CHRM3: variants seen among roughly 807,000 people sequenced by gnomAD.
CHRM3 encodes the protein muscarinic acetylcholine receptor M3.
A neutral mutation model predicts 41.8 loss-of-function variants in CHRM3; 11 were observed. The ratio of observed to expected loss-of-function variants is 0.26; its 90% CI spans 0.17 to 0.44. The LOEUF is 0.44. Among genes scored for constraint, CHRM3 ranks in the 20% least tolerant of loss-of-function variants. The probability of loss-of-function intolerance (pLI) is 1.00; values close to 1 mark genes in which losing one functional copy is unlikely to be tolerated. For missense variants in CHRM3, 571 were observed against 745.4 expected (o/e 0.77, Z 2.72); for synonymous variants, 297 against 301.4 (o/e 0.99, Z 0.15).
chr1:239,717,460 C>T (rs1459342082), intron 5 of CHRM3, among the ~76,000 whole-genome samples: 1 of 116,146 alleles, frequency 8.6e-6, no homozygotes, highest in Non-Finnish European at 2.0e-5. Context: ...CAAGGAAAGA[C>T]ACACACGCAC....
intron 1 of CHRM3, among the ~76,000 whole-genome samples, chr1:239,488,084 G>C (rs1395877717): frequency 6.6e-6 from 1 of 152,046 alleles, no homozygotes; most frequent in South Asian, 2.1e-4. Flanking sequence ...GTATACTAAG[G>C]GTGTTGGTAA....
chr1:239,700,471 G>A (rs925090470), intron 5 of CHRM3, among the ~76,000 whole-genome samples: 1 of 152,096 alleles, frequency 6.6e-6, no homozygotes, highest in East Asian at 1.9e-4. Context: ...ATTAATGCTG[G>A]TACTGCCCTC....
chr1:239,505,259 G>GGATGATGATGAT (rs3028735), intron 2 of CHRM3, among the ~76,000 whole-genome samples: 4 of 144,784 alleles, frequency 2.8e-5, no homozygotes, highest in African/African-American at 2.6e-5. Flanking sequence ...CTGTTTCCTG[G>GGATGATGATGAT]GATGATGATG....
Position 239,594,893 on chromosome 1 carries a change from C to T in CHRM3, c.-312-37331C>T, listed in dbSNP as rs184608632. On this transcript the variant is annotated intron_variant, in intron 3 of 6. Coordinates refer to ENST00000676153, the MANE Select transcript of CHRM3 (RefSeq NM_001375978.1). ...TCACCTGAGGTCAGGAGTTTGAGAC[C>T]AGCCTGACCAACATGGAGAAACCTC... Among the ~76,000 whole-genome samples, 404 of 152,202 alleles carry T rather than the reference C, an allele frequency of 2.7e-3. 2 individuals are homozygous for T. The highest frequency in any genetic ancestry group is 8.7e-3 in the African/African-American group (362 of 41,542).
chr1:239,464,433 G>A lies in CHRM3; in HGVS notation c.-520-28276G>A, dbSNP rs568828265. On this transcript the variant is annotated intron_variant, in intron 1 of 6. Transcript: ENST00000676153. ...CCTCCTATGGTGAACCTTACTTCCCGCGACTGGGAATTCGTTCTAGCCTCC... is the reference window on the plus strand; with the variant it reads ...CCTCCTATGGTGAACCTTACTTCCCACGACTGGGAATTCGTTCTAGCCTCC... Among the ~76,000 whole-genome samples, 14 of 152,020 alleles carry A rather than the reference G, an allele frequency of 9.2e-5. No homozygotes were observed. The East Asian group carries it at 9.7e-4, about 10-fold the overall frequency.
chr1:239,566,831 T>G (rs72756761), intron 3 of CHRM3, among the ~76,000 whole-genome samples: 4,971 of 152,270 alleles, frequency 0.033, 102 homozygotes, highest in Middle Eastern at 0.058. Flanking sequence ...ACAAATACAA[T>G]TCCTTTCACT....
At chr1:239,731,004 G>A (rs2148419802) in intron 5 of CHRM3, among the ~76,000 whole-genome samples, 1 of 152,004 alleles carries the variant, frequency 6.6e-6, no homozygotes, top group Non-Finnish European at 1.5e-5. Flanking sequence ...GAATGCAAAG[G>A]ATGAAGGAGA....
At chr1:239,715,217 A>AGTTG in intron 5 of CHRM3, among the ~76,000 whole-genome samples, 1 of 118,960 alleles carries the variant, frequency 8.4e-6, no homozygotes, top group East Asian at 2.5e-4. Flanking sequence ...GGCATATTTA[A>AGTTG]ATTGGTTAAG....
intron 1 of CHRM3, among the ~76,000 whole-genome samples, chr1:239,489,404 C>G (rs539068750): frequency 6.7e-6 from 1 of 149,104 alleles, no homozygotes; most frequent in South Asian, 2.2e-4. Context: ...CAGAGCGAGA[C>G]TCTGTCTCAA....
intron 5 of CHRM3, among the ~76,000 whole-genome samples, chr1:239,792,964 G>C (rs1669470560): frequency 6.6e-6 from 1 of 152,178 alleles, no homozygotes; most frequent in South Asian, 2.1e-4. Context: ...TCAATAGGAA[G>C]CCAAATCCTA....
intron 2 of CHRM3, among the ~76,000 whole-genome samples, chr1:239,522,795 A>G (rs975681966): frequency 6.6e-6 from 1 of 152,234 alleles, no homozygotes; most frequent in Non-Finnish European, 1.5e-5. Flanking sequence ...GTTTGTAAAC[A>G]TTCCTGTACG....
At chr1:239,413,306 T>C (rs115038687) in intron 1 of CHRM3, among the ~76,000 whole-genome samples, 5,426 of 152,178 alleles carry the variant, frequency 0.036, 164 homozygotes, top group Non-Finnish European at 0.056. Flanking sequence ...TATTTATTTA[T>C]TGAGACCGAG....
At chr1:239,807,828 A>G (rs1015334949) in intron 5 of CHRM3, among the ~76,000 whole-genome samples, 30 of 151,466 alleles carry the variant, frequency 2.0e-4, no homozygotes, top group African/African-American at 7.0e-4. Flanking sequence ...GCACACACAC[A>G]CACACACACA....
chr1:239,485,180 G>A (rs566939192), intron 1 of CHRM3, among the ~76,000 whole-genome samples: 2 of 152,150 alleles, frequency 1.3e-5, no homozygotes, highest in Admixed American at 6.6e-5. Context: ...TGTTGGGAAG[G>A]CATGAGGGGA....
chr1:239,568,533 G>A (rs115686760), intron 3 of CHRM3, among the ~76,000 whole-genome samples: 3 of 151,998 alleles, frequency 2.0e-5, no homozygotes, highest in Non-Finnish European at 2.9e-5. Flanking sequence ...CGGGTATGCC[G>A]TGATCAGCAG....
intron 5 of CHRM3, among the ~76,000 whole-genome samples, chr1:239,800,517 C>A (rs1670127349): frequency 6.6e-6 from 1 of 152,192 alleles, no homozygotes; most frequent in African/African-American, 2.4e-5. Flanking sequence ...TCAACTTAAA[C>A]AAGCATGTGA....
At chr1:239,529,609 C>CA (rs74990447) in intron 2 of CHRM3, among the ~76,000 whole-genome samples, 82 of 110,746 alleles carry the variant, frequency 7.4e-4, no homozygotes, top group African/African-American at 1.1e-3. Context: ...GACTCCGTCT[C>CA]AAAAAAAAAA....
intron 3 of CHRM3, among the ~76,000 whole-genome samples, chr1:239,613,092 G>A (rs1667246786): frequency 6.6e-6 from 1 of 152,150 alleles, no homozygotes; most frequent in Admixed American, 6.5e-5. Context: ...ATGGCAAATG[G>A]GGCAGATGTG....
At chr1:239,670,731 TTGA>T (rs1325050025) in intron 4 of CHRM3, among the ~76,000 whole-genome samples, 1 of 151,918 alleles carries the variant, frequency 6.6e-6, no homozygotes, top group Non-Finnish European at 1.5e-5. Flanking sequence ...TTTCACCATG[TTGA>T]TCAGGCTGGT....
Sources: allele counts gnomAD v4.1 joint callset (sites outside exome capture counted in the v4.1 genomes callset), GRCh38; gene constraint gnomAD v4.1.1; transcripts MANE v1.5; gene names NCBI Gene and HGNC (gene_info 2026-07-23, HGNC 2026-07-21).